SYNPR: variants seen among roughly 807,000 people sequenced by gnomAD.
The protein encoded by SYNPR is synaptoporin.
In SYNPR, 23 loss-of-function variants were observed where a neutral mutation model predicts 32.9. That is an observed-to-expected ratio of 0.70 (90% CI 0.50 to 0.99). The LOEUF is 0.99. Among genes scored for constraint, SYNPR ranks in the 50% least tolerant of loss-of-function variants. The pLI is 0.00. For synonymous variants in SYNPR, 146 were observed against 135.9 expected, an observed-to-expected ratio of 1.07 and a Z score of -0.52; for missense variants, 318 against 349.3, an observed-to-expected ratio of 0.91 and a Z score of 0.71.
upstream of SYNPR, among the ~76,000 whole-genome samples, chr3:63,225,197 T>C (rs897424071): frequency 1.7e-4 from 26 of 152,214 alleles, no homozygotes; most frequent in African/African-American, 5.8e-4. Context: ...GGACTTAATG[T>C]ATTCTATGTG....
intron 2 of SYNPR, among the ~76,000 whole-genome samples, chr3:63,439,532 C>T (rs1276659059): frequency 1.2e-4 from 18 of 152,084 alleles, no homozygotes; most frequent in Non-Finnish European, 8.8e-5. Flanking sequence ...TCTCTAATGA[C>T]AAATATATGG....
chr3:63,240,108 A>G (rs1300416216), intron 1 of SYNPR, among the ~76,000 whole-genome samples: 1 of 151,812 alleles, frequency 6.6e-6, no homozygotes, highest in African/African-American at 2.4e-5. Flanking sequence ...TTATCTCCTT[A>G]CTCCTCATGA....
chr3:63,345,686 T>G (rs1337823768), intron 2 of SYNPR, among the ~76,000 whole-genome samples: 1 of 152,158 alleles, frequency 6.6e-6, no homozygotes, highest in Admixed American at 6.5e-5. Context: ...GGCAGCTTCC[T>G]GAGGAGAGGG....
chr3:63,279,519 G>A (rs1333944527), intron 2 of SYNPR, among the ~76,000 whole-genome samples: 1 of 152,192 alleles, frequency 6.6e-6, no homozygotes, highest in Non-Finnish European at 1.5e-5. Flanking sequence ...GCACAGAAAC[G>A]GTTACCCACA....
chr3:63,554,557 C>T (rs765130697), intron 3 of SYNPR, among the ~76,000 whole-genome samples: 6 of 152,008 alleles, frequency 3.9e-5, no homozygotes, highest in Non-Finnish European at 7.4e-5. Flanking sequence ...TTATCCTGTT[C>T]CATTGGTCTA....
chr3:63,570,339 G>A (rs1695633196), intron 4 of SYNPR, among the ~76,000 whole-genome samples: 1 of 152,128 alleles, frequency 6.6e-6, no homozygotes, highest in South Asian at 2.1e-4. Context: ...ATAGAGCTGT[G>A]TTTACACCAT....
intron 2 of SYNPR, among the ~76,000 whole-genome samples, chr3:63,479,304 G>A (rs996548207): frequency 1.3e-5 from 2 of 152,154 alleles, no homozygotes; most frequent in Admixed American, 1.3e-4. Flanking sequence ...GAGAGCTTAC[G>A]CAGTGCCAGG....
At chr3:63,234,381 A>G (rs1392572323) in intron 1 of SYNPR, among the ~76,000 whole-genome samples, 1 of 152,170 alleles carries the variant, frequency 6.6e-6, no homozygotes, top group Non-Finnish European at 1.5e-5. Flanking sequence ...AATCATATCA[A>G]TGGGATTGCA....
chr3:63,262,712 C>T (rs1257398571), intron 2 of SYNPR, among the ~76,000 whole-genome samples: 2 of 152,128 alleles, frequency 1.3e-5, no homozygotes, highest in Non-Finnish European at 2.9e-5. Flanking sequence ...TGTATGGAGA[C>T]AGTGGCCAAG....
At chr3:63,208,284 G>T in the SYNPR span, among the ~76,000 whole-genome samples, 1 of 152,262 alleles carries the variant, frequency 6.6e-6, no homozygotes, top group South Asian at 2.1e-4. Context: ...CTGGAGTGAG[G>T]TTTAAATTGT....
At chr3:63,387,303 G>A (rs1201041323) in intron 2 of SYNPR, among the ~76,000 whole-genome samples, 1 of 152,104 alleles carries the variant, frequency 6.6e-6, no homozygotes, top group Non-Finnish European at 1.5e-5. Context: ...TTACCATACA[G>A]TTATGTCAGA....
intron 3 of SYNPR, among the ~76,000 whole-genome samples, chr3:63,518,249 C>A (rs966275235): frequency 6.6e-6 from 1 of 152,080 alleles, no homozygotes; most frequent in African/African-American, 2.4e-5. Context: ...AGGAGACATG[C>A]CTTCACCCTT....
intron 4 of SYNPR, among the ~76,000 whole-genome samples, chr3:63,595,646 A>G (rs563900085): frequency 2.1e-5 from 3 of 142,614 alleles, no homozygotes; most frequent in African/African-American, 7.6e-5. Context: ...GAAATGGTGC[A>G]TATAGAGCAT....
intron 2 of SYNPR, chr3:63,427,637 A>G (rs1699916613): frequency 6.6e-6 from 1 of 152,250 alleles, no homozygotes; most frequent in Admixed American, 6.5e-5. Context: ...GTCTCCCTCC[A>G]CAATGGAGGA....
intron 2 of SYNPR, among the ~76,000 whole-genome samples, chr3:63,445,329 C>T (rs1417160480): frequency 6.6e-6 from 1 of 152,084 alleles, no homozygotes; most frequent in African/African-American, 2.4e-5. Context: ...AAAGGAAGAA[C>T]AAAAAGGCAT....
chr3:63,527,946 A>C (rs1702045116), intron 3 of SYNPR, among the ~76,000 whole-genome samples: 1 of 152,178 alleles, frequency 6.6e-6, no homozygotes, highest in Admixed American at 6.5e-5. Flanking sequence ...CATGGAACAG[A>C]ATATTCTAGG....
chr3:63,367,569 T>TCGTCTC (rs1411229128), intron 2 of SYNPR, among the ~76,000 whole-genome samples: 3 of 152,088 alleles, frequency 2.0e-5, no homozygotes, highest in Non-Finnish European at 4.4e-5. Flanking sequence ...TTGCCCAGCC[T>TCGTCTC]CGTCTCAAAC....
intron 2 of SYNPR, among the ~76,000 whole-genome samples, chr3:63,366,404 A>C (rs1460120288): frequency 6.6e-6 from 1 of 152,216 alleles, no homozygotes; most frequent in Non-Finnish European, 1.5e-5. Context: ...TGTAAGGAAA[A>C]AGGCCAAGTG....
At chr3:63,539,066 C>A (rs551332907) in intron 3 of SYNPR, among the ~76,000 whole-genome samples, 1 of 152,200 alleles carries the variant, frequency 6.6e-6, no homozygotes, top group Admixed American at 6.5e-5. Flanking sequence ...TTCAAGGAAG[C>A]AAAGGCCCTT....
Sources: allele counts gnomAD v4.1 joint callset (sites outside exome capture counted in the v4.1 genomes callset), GRCh38; gene constraint gnomAD v4.1.1; transcripts MANE v1.5; gene names NCBI Gene and HGNC (gene_info 2026-07-23, HGNC 2026-07-21).